AFF3: variants seen among roughly 807,000 people sequenced by gnomAD.
The protein encoded by AFF3 is AF4/FMR2 family member 3.
In AFF3, 32 loss-of-function variants were observed where a neutral mutation model predicts 129.7. That is an observed-to-expected ratio of 0.25 (90% CI 0.19 to 0.33). The LOEUF is 0.33. AFF3 is among the 10% of genes least tolerant of loss of function. The probability of loss-of-function intolerance (pLI) is 1.00; values close to 1 mark genes in which losing one functional copy is unlikely to be tolerated. For missense variants in AFF3, 1,373 were observed against 1,592.0 expected, an observed-to-expected ratio of 0.86 and a Z score of 2.34; for synonymous variants, 644 against 635.4, an observed-to-expected ratio of 1.01 and a Z score of -0.20.
chr2:99,711,060 T>TC (rs1371511408), intron 11 of AFF3, among the ~76,000 whole-genome samples: 12 of 152,100 alleles, frequency 7.9e-5, no homozygotes, highest in Middle Eastern at 3.4e-3. Context: ...CTGTCGCTCC[T>TC]CCCCAGCCTC....
chr2:99,905,826 C>G (rs545421275), intron 7 of AFF3, among the ~76,000 whole-genome samples: 2 of 152,254 alleles, frequency 1.3e-5, no homozygotes, highest in Admixed American at 6.5e-5. Flanking sequence ...CCAGCAGCAG[C>G]AGATCCTAAT....
intron 7 of AFF3, among the ~76,000 whole-genome samples, chr2:99,923,810 A>C (rs143880676): frequency 6.6e-6 from 1 of 152,198 alleles, no homozygotes; most frequent in Admixed American, 6.5e-5. Context: ...TGCTCCAAAC[A>C]TATTAAATGT....
chr2:100,105,784 T>G, intron 2 of AFF3: 2 of 1,356,926 alleles, frequency 1.5e-6, no homozygotes, highest in South Asian at 1.2e-5. Context: ...CCTGACCTCT[T>G]GGCCACAGCT....
At chr2:99,646,975 G>A (rs1194952760) in intron 13 of AFF3, among the ~76,000 whole-genome samples, 2 of 152,150 alleles carry the variant, frequency 1.3e-5, no homozygotes, top group Non-Finnish European at 2.9e-5. Flanking sequence ...AAAAAGAATG[G>A]CTGTTATTGA....
intron 12 of AFF3, among the ~76,000 whole-genome samples, chr2:99,658,626 C>T (rs1388344712): frequency 6.6e-6 from 1 of 152,094 alleles, no homozygotes; most frequent in Non-Finnish European, 1.5e-5. Context: ...TATTAATCTA[C>T]TTTAATATTT....
intron 7 of AFF3, among the ~76,000 whole-genome samples, chr2:99,994,232 C>A (rs1680632186): frequency 6.6e-6 from 1 of 152,096 alleles, no homozygotes; most frequent in African/African-American, 2.4e-5. Flanking sequence ...TCAGAAATCC[C>A]AATAATACTT....
intron 7 of AFF3, among the ~76,000 whole-genome samples, chr2:99,890,608 G>C (rs972859155): frequency 6.6e-6 from 1 of 152,098 alleles, no homozygotes; most frequent in Non-Finnish European, 1.5e-5. Context: ...TCTGAGTTCT[G>C]CACTTTCTCC....
intron 8 of AFF3, among the ~76,000 whole-genome samples, chr2:99,793,389 T>C (rs1436704254): frequency 6.6e-6 from 1 of 152,210 alleles, no homozygotes; most frequent in African/African-American, 2.4e-5. Context: ...GTCTCAGGCA[T>C]TCCTTTACAG....
chr2:99,915,098 A>G (rs1327674816), intron 7 of AFF3, among the ~76,000 whole-genome samples: 6 of 152,120 alleles, frequency 3.9e-5, no homozygotes, highest in African/African-American at 1.4e-4. Flanking sequence ...TGAAAGGTGT[A>G]AGGGAATTCT....
At chr2:99,738,692 A>C (rs776102355) in intron 10 of AFF3, among the ~76,000 whole-genome samples, 2 of 152,004 alleles carry the variant, frequency 1.3e-5, no homozygotes, top group Non-Finnish European at 2.9e-5. Context: ...TTTCTAACAC[A>C]CCTATCCTTT....
chr2:99,602,410 A>G (rs1489079049), intron 13 of AFF3, among the ~76,000 whole-genome samples: 1 of 152,234 alleles, frequency 6.6e-6, no homozygotes, highest in Admixed American at 6.5e-5. Flanking sequence ...AATTTGCCAG[A>G]AAGTCATTAC....
intron 7 of AFF3, among the ~76,000 whole-genome samples, chr2:99,883,629 T>C (rs1024741808): frequency 1.3e-5 from 2 of 152,220 alleles, no homozygotes; most frequent in Non-Finnish European, 2.9e-5. Context: ...CATGATTTCA[T>C]GGAGAGAAGG....
chr2:99,625,458 T>C (rs906988783), intron 13 of AFF3, among the ~76,000 whole-genome samples: 3 of 152,182 alleles, frequency 2.0e-5, no homozygotes, highest in African/African-American at 7.2e-5. Flanking sequence ...GCATGTCTGG[T>C]GCTGAGCACA....
chr2:99,929,036 T>A (rs142051260), intron 7 of AFF3, among the ~76,000 whole-genome samples: 271 of 152,266 alleles, frequency 1.8e-3, no homozygotes, highest in African/African-American at 6.3e-3. Flanking sequence ...AAAGAATAAT[T>A]GACATCAGTT....
intron 4 of AFF3, among the ~76,000 whole-genome samples, chr2:100,066,759 G>A (rs1489240004): frequency 6.6e-6 from 1 of 152,146 alleles, no homozygotes; most frequent in African/African-American, 2.4e-5. Context: ...ATATTGCTTT[G>A]AAGAAATCAG....
intron 2 of AFF3, among the ~76,000 whole-genome samples, chr2:100,111,903 A>G (rs1236862219): frequency 6.6e-6 from 1 of 152,172 alleles, no homozygotes; most frequent in Non-Finnish European, 1.5e-5. Flanking sequence ...CTCCACATGA[A>G]TGTTTCCAGT....
At position 99,685,741 on chromosome 2, in the gene AFF3, C is replaced by A. The variant is rs146459851; in HGVS notation, c.1092-13152G>T. 1.8e-3 allele frequency among the ~76,000 whole-genome samples: 267 copies of A among 152,286 alleles called. 2 individuals carry two copies. The highest frequency in any genetic ancestry group is 6.2e-3 in the African/African-American group (256 of 41,558). On this transcript the variant is annotated intron_variant, in intron 11 of 24. Transcript: ENST00000672756. ...GGAATGTACACTTCTGAGATAGGAT[C>A]AGACTACAGAATCGTGTTGCTTCTG... is the stretch of plus-strand genomic sequence containing the variant.
In AFF3 at chr2:99,846,376, C is replaced by T. The variant is rs371772731; in HGVS notation, c.874-8852G>A. Among the ~76,000 whole-genome samples the T allele has an allele frequency of 1.3e-3, 203 of 150,434 alleles. 2 individuals carry two copies. Among genetic ancestry groups the T allele is most frequent in the East Asian group, 0.01 (52 of 5,080 alleles). The stretch of plus-strand genomic sequence containing the variant: ...AACTCCTGACCTCAGGTGATCTGCC[C>T]GCCTTGGCCTCCCAAAGTGCTGGGA... On this transcript the variant is annotated intron_variant, in intron 7 of 24. Transcript: ENST00000672756.
rs186666612 is a variant in AFF3 at position 99,563,488 on chromosome 2, A to G, written c.3119+1999T>C. 5.8e-4 allele frequency among the ~76,000 whole-genome samples: 87 copies of G among 151,072 alleles called. 1 individual carries two copies. The East Asian group carries it at 0.016, about 27-fold the overall frequency. On this transcript the variant is annotated intron_variant, in intron 20 of 24. Coordinates refer to ENST00000672756, the MANE Select transcript of AFF3 (RefSeq NM_001386135.1). ...TACAGGCGTGAGCCACCGCGCCCAG[A>G]AAATTAATGCTATTTTCTAATGTAG...
Sources: allele counts gnomAD v4.1 joint callset (sites outside exome capture counted in the v4.1 genomes callset), GRCh38; gene constraint gnomAD v4.1.1; transcripts MANE v1.5; gene names NCBI Gene and HGNC (gene_info 2026-07-23, HGNC 2026-07-21).